PHYHIPL: variants seen among roughly 807,000 people sequenced by gnomAD.
PHYHIPL encodes phytanoyl-CoA hydroxylase-interacting protein-like.
PHYHIPL carries 9 observed loss-of-function variants against 33.4 expected under a neutral mutation model. That is an observed-to-expected ratio of 0.27 (90% CI 0.16 to 0.47). The LOEUF is 0.47. Ranked by LOEUF, PHYHIPL falls within the 20% of genes least tolerant of loss-of-function variation. PHYHIPL has a pLI of 0.99. For missense variants in PHYHIPL, 365 were observed against 460.7 expected (o/e 0.79, Z 1.90); for synonymous variants, 153 against 154.1 (o/e 0.99, Z 0.05).
upstream of PHYHIPL, among the ~76,000 whole-genome samples, chr10:59,173,751 A>T (rs1232653179): frequency 6.6e-6 from 1 of 152,012 alleles, no homozygotes; most frequent in Non-Finnish European, 1.5e-5. Context: ...CAGAAGAAAA[A>T]TTAGAGTAAT....
chr10:59,191,816 G>A (rs574627381), intron 1 of PHYHIPL, among the ~76,000 whole-genome samples: 68 of 152,026 alleles, frequency 4.5e-4, no homozygotes, highest in African/African-American at 1.6e-3. Flanking sequence ...TTTTCAGCCA[G>A]TTTCATTTCT....
Position 59,232,376 on chromosome 10 carries a change from A to G in PHYHIPL, c.107-1928A>G, listed in dbSNP as rs148375732. Among the ~76,000 whole-genome samples the G allele has an allele frequency of 3.4e-3, 511 of 152,080 alleles. 6 individuals are homozygous for G. Among genetic ancestry groups the G allele is most frequent in the African/African-American group, 8.6e-3 (358 of 41,556 alleles). On this transcript the variant is annotated intron_variant, in intron 1 of 4. Coordinates refer to ENST00000373880, the MANE Select transcript of PHYHIPL (RefSeq NM_032439.4). The stretch of plus-strand genomic sequence containing the variant: ...ATATAACAAATTCTTTCTAGGCTTG[A>G]GCTTTATATTGTTCCCAATGGGAAA...
chr10:59,219,594 G>A (rs1004145608), intron 1 of PHYHIPL, among the ~76,000 whole-genome samples: 5 of 152,160 alleles, frequency 3.3e-5, no homozygotes, highest in Admixed American at 2.6e-4. Flanking sequence ...ACTTTTTGCA[G>A]AAAGAAGTTT....
At chr10:59,216,133 G>T (rs1839607250) in intron 1 of PHYHIPL, among the ~76,000 whole-genome samples, 1 of 152,074 alleles carries the variant, frequency 6.6e-6, no homozygotes, top group Admixed American at 6.6e-5. Context: ...TTATAGGGAA[G>T]AGAGAGGAAT....
intron 1 of PHYHIPL, among the ~76,000 whole-genome samples, chr10:59,195,463 C>T (rs1426245808): frequency 3.3e-5 from 5 of 152,112 alleles, no homozygotes; most frequent in East Asian, 3.8e-4. Context: ...AAGACAAACG[C>T]GTATGATTTC....
At chr10:59,174,902 A>C (rs1306886380), upstream of PHYHIPL, among the ~76,000 whole-genome samples, 2 of 152,212 alleles carry the variant, frequency 1.3e-5, no homozygotes, top group Non-Finnish European at 2.9e-5. Flanking sequence ...AACACATAGC[A>C]CAGTGTCCTG....
At chr10:59,188,403 G>T (rs573037098) in intron 1 of PHYHIPL, among the ~76,000 whole-genome samples, 11 of 152,158 alleles carry the variant, frequency 7.2e-5, no homozygotes, top group Non-Finnish European at 1.3e-4. Flanking sequence ...GTTAATTTTG[G>T]AATAGGTGCG....
chr10:59,235,803 A>G (rs916478761), intron 2 of PHYHIPL, among the ~76,000 whole-genome samples: 1 of 151,948 alleles, frequency 6.6e-6, no homozygotes, highest in African/African-American at 2.4e-5. Flanking sequence ...TAATCACTTT[A>G]CTAAGCATTT....
At chr10:59,222,610 T>C (rs1027289346) in intron 1 of PHYHIPL, among the ~76,000 whole-genome samples, 2 of 152,192 alleles carry the variant, frequency 1.3e-5, no homozygotes, top group African/African-American at 4.8e-5. Flanking sequence ...TTATTTATAC[T>C]AAAATATCAT....
chr10:59,234,585 A>G (rs1029589379), intron 2 of PHYHIPL, 85 bp downstream of exon 2: 1 of 926,558 alleles, frequency 1.1e-6, no homozygotes. Context: ...ATAATATTCT[A>G]TTAATGGCTT....
At chr10:59,240,088 G>A (rs1840345481) in intron 4 of PHYHIPL, among the ~76,000 whole-genome samples, 1 of 151,976 alleles carries the variant, frequency 6.6e-6, no homozygotes, top group Non-Finnish European at 1.5e-5. Flanking sequence ...TTTTGATGGT[G>A]AAAAAATATT....
At position 59,245,085 on chromosome 10, in the gene PHYHIPL, T is replaced by A; in HGVS notation, c.625T>A (p.Ser209Thr). Residue 209 changes from serine to threonine, a missense_variant, in exon 5 of 5, where the codon TCT becomes ACT. Ser to Thr is a moderately conservative substitution (Grantham distance 58, BLOSUM62 1). Coordinates refer to ENST00000373880, the MANE Select transcript of PHYHIPL (RefSeq NM_032439.4). ...ACATCATGGGAATGCTATGCAGCCA[T>A]CTGTCAAGGATAACAGTGGTAGCCA... ...REHHGNAMQP[S>T]VKDNSGSHGS... The A allele has an allele frequency of 6.2e-7, 1 of 1,612,586 alleles. No individual in the cohort carries two copies. The highest frequency in any genetic ancestry group is 8.5e-7 in the Non-Finnish European group (1 of 1,179,406).
intron 1 of PHYHIPL, among the ~76,000 whole-genome samples, chr10:59,234,060 G>T (rs1163740074): frequency 6.6e-6 from 1 of 151,692 alleles, no homozygotes; most frequent in African/African-American, 2.4e-5. Context: ...TAGAAAAATA[G>T]GCTCTTGAGG....
intron 1 of PHYHIPL, among the ~76,000 whole-genome samples, chr10:59,224,171 A>G (rs1045547176): frequency 6.6e-6 from 1 of 152,196 alleles, no homozygotes; most frequent in Non-Finnish European, 1.5e-5. Context: ...GTTATGTTAT[A>G]TGGATAATAA....
At chr10:59,193,205 A>T (rs112016241) in intron 1 of PHYHIPL, among the ~76,000 whole-genome samples, 21 of 152,122 alleles carry the variant, frequency 1.4e-4, no homozygotes, top group African/African-American at 5.1e-4. Flanking sequence ...AGATATAATT[A>T]TATTTGGTAG....
At chr10:59,193,791 G>A (rs1364116645) in intron 1 of PHYHIPL, among the ~76,000 whole-genome samples, 3 of 152,056 alleles carry the variant, frequency 2.0e-5, no homozygotes, top group African/African-American at 4.8e-5. Flanking sequence ...TATATCCAAT[G>A]TTAATTTATG....
chr10:59,175,664 A>G (rs986842406), upstream of PHYHIPL, among the ~76,000 whole-genome samples: 8 of 152,200 alleles, frequency 5.3e-5, no homozygotes, highest in Non-Finnish European at 1.2e-4. Flanking sequence ...ACATCCACTA[A>G]GTGCACTGCA....
rs1840636200 is a variant in PHYHIPL at position 59,245,690 on chromosome 10, T to C, written c.*99T>C. On this transcript the variant is annotated 3_prime_UTR_variant, in exon 5 of 5. Coordinates refer to ENST00000373880, the MANE Select transcript of PHYHIPL (RefSeq NM_032439.4). ...TCACCAGATGTTTTCCACTGAAGCA[T>C]GCACATGCCACTGTCACCAAAACAA... 1 of 1,298,126 alleles carries C rather than the reference T, an allele frequency of 7.7e-7. No individual in the cohort carries two copies. 80.4% of individuals were successfully genotyped at this position (1,298,126 alleles called of 1,614,324 possible). A position where few individuals can be genotyped will look rare whatever the true frequency, so the allele number is the denominator to read the frequency against.
chr10:59,196,659 C>T (rs369556205), intron 1 of PHYHIPL, among the ~76,000 whole-genome samples: 2 of 152,118 alleles, frequency 1.3e-5, no homozygotes, highest in South Asian at 2.1e-4. Context: ...ACCTTGTGAT[C>T]CGTCCGACTT....
Sources: allele counts gnomAD v4.1 joint callset (sites outside exome capture counted in the v4.1 genomes callset), GRCh38; gene constraint gnomAD v4.1.1; transcripts MANE v1.5; gene names NCBI Gene and HGNC (gene_info 2026-07-23, HGNC 2026-07-21).